Variants in UROC1 observed in about 807,000 individuals in gnomAD.
UROC1 encodes urocanate hydratase.
A neutral mutation model predicts 89.5 loss-of-function variants in UROC1; 79 were observed. That is an observed-to-expected ratio of 0.88 (90% confidence interval 0.74 to 1.06). UROC1 has a LOEUF of 1.06. Among genes scored for constraint, UROC1 ranks in the 50% least tolerant of loss-of-function variants. UROC1 has a pLI of 0.00. For synonymous variants in UROC1, 361 were observed against 354.8 expected, an observed-to-expected ratio of 1.02 and a Z score of -0.20; for missense variants, 885 against 907.8, an observed-to-expected ratio of 0.97 and a Z score of 0.32.
chr3:126,486,798 C>G (rs1157111828), intron 18 of UROC1, among the ~76,000 whole-genome samples: 1 of 152,058 alleles, frequency 6.6e-6, no homozygotes, highest in Non-Finnish European at 1.5e-5. Context: ...GCATCCCTTT[C>G]GAGTAGCCAC....
intron 1 of UROC1, among the ~76,000 whole-genome samples, chr3:126,514,872 T>C (rs1936265706): frequency 6.6e-6 from 1 of 152,020 alleles, no homozygotes; most frequent in African/African-American, 2.4e-5. Context: ...CCCGGTGACT[T>C]CAGAAGGTGA....
At chr3:126,510,816 G>A in intron 1 of UROC1, 22 bp from the exon 2 acceptor site, 1 of 1,609,468 alleles carries the variant, frequency 6.2e-7, no homozygotes, top group Non-Finnish European at 8.5e-7. Flanking sequence ...GAGCGGAGAG[G>A]CAGTCGGGGC....
At chr3:126,491,239 G>A (rs745992999) in intron 16 of UROC1, among the ~76,000 whole-genome samples, 1 of 152,174 alleles carries the variant, frequency 6.6e-6, no homozygotes, top group Non-Finnish European at 1.5e-5. Flanking sequence ...CCTGCACGCC[G>A]CTCCTCATCC....
intron 9 of UROC1, chr3:126,501,658 G>T (rs1050908214): frequency 8.9e-7 from 1 of 1,118,526 alleles, no homozygotes; most frequent in African/African-American, 1.6e-5. Flanking sequence ...AAAATTATTC[G>T]GAAAAATAGG....
In UROC1 at chr3:126,509,574, C is replaced by T; in HGVS notation, c.351+11G>A. The T allele has an allele frequency of 6.4e-7, 1 of 1,551,364 alleles. No homozygotes were observed. The highest frequency in any genetic ancestry group is 8.7e-7 in the Non-Finnish European group (1 of 1,146,686). On this transcript the variant is annotated intron_variant, in intron 3 of 19. Coordinates refer to ENST00000290868, the MANE Select transcript of UROC1 (RefSeq NM_144639.3). ...TGGACAGTGCTGGGCCTCGGTTTCC[C>T]TGGCTATTACCTGGGCCACGGCAGG... is the stretch of plus-strand genomic sequence containing the variant.
intron 15 of UROC1, among the ~76,000 whole-genome samples, chr3:126,493,308 G>C (rs2107537439): frequency 6.6e-6 from 1 of 152,340 alleles, no homozygotes; most frequent in South Asian, 2.1e-4. Context: ...GACTCCAAGA[G>C]ATATGTGCAC....
At chr3:126,492,631 G>T in intron 15 of UROC1, 115 bp from the exon 16 acceptor site, 1 of 742,106 alleles carries the variant, frequency 1.3e-6, no homozygotes, top group Non-Finnish European at 2.2e-6. Flanking sequence ...TTGGCAGCCT[G>T]AGCGCCTAAC....
intron 15 of UROC1, 74 bp from the exon 16 acceptor site, chr3:126,492,590 C>T (rs878987656): frequency 4.1e-5 from 49 of 1,201,470 alleles, no homozygotes; most frequent in South Asian, 8.9e-5. Context: ...CAGGGAGACA[C>T]GGGTGGCACT....
At position 126,508,403 on chromosome 3, in the gene UROC1, C is replaced by A. The variant is rs778870657; in HGVS notation, c.411+13G>T. The A allele has an allele frequency of 1.2e-6, 2 of 1,612,984 alleles. No individual in the cohort carries two copies. The highest frequency in any genetic ancestry group is 2.7e-5 in the African/African-American group (2 of 74,894). On this transcript the variant is annotated intron_variant, in intron 4 of 19. Transcript: ENST00000290868. The stretch of plus-strand genomic sequence containing the variant: ...GGCCAGGGGTGGGGACGAGGCCACA[C>A]GGTGTGCAGTACCTGAGCCCAGTTG...
intron 9 of UROC1, 144 bp downstream of exon 9, chr3:126,503,851 G>A (rs1935993070): frequency 2.3e-6 from 2 of 859,076 alleles, no homozygotes; most frequent in Non-Finnish European, 3.9e-6. Flanking sequence ...ATATGTACAT[G>A]TGCATGTATG....
chr3:126,500,914 GC>G (rs1560122215), intron 10 of UROC1, 40 bp from the exon 11 acceptor site: 4 of 838,956 alleles, frequency 4.8e-6, no homozygotes, highest in Non-Finnish European at 7.0e-6. Flanking sequence ...GCCACACACA[GC>G]CTGGGCCCAG....
chr3:126,500,752 T>C lies in UROC1; in HGVS notation c.1088A>G (p.Glu363Gly), dbSNP rs1935899752. The C allele has an allele frequency of 6.2e-7, 1 of 1,613,982 alleles. No individual in the cohort carries two copies. Among genetic ancestry groups the C allele is most frequent in the African/African-American group, 1.3e-5 (1 of 74,936 alleles). Residue 363 changes from glutamate to glycine, a missense_variant, in exon 11 of 20, where the codon GAG becomes GGG. Coordinates refer to ENST00000290868, the MANE Select transcript of UROC1 (RefSeq NM_144639.3). ...GYYPVQLSFT[E>G]AQSLMASNPA... ...GTTGGAGGCCATGAGGCTCTGGGCC[T>C]CCGTGAAGCTGAGCTGCACAGGGTA...
chr3:126,485,163 G>C (rs61655590), intron 18 of UROC1, among the ~76,000 whole-genome samples: 7,462 of 152,296 alleles, frequency 0.049, 631 homozygotes, highest in African/African-American at 0.17. Context: ...ATGTATTAAA[G>C]TGCATGATTC....
In UROC1 at chr3:126,488,356, G is replaced by A; in HGVS notation, c.1709-77C>T. The A allele has an allele frequency of 1.9e-6, 3 of 1,554,480 alleles. No individual in the cohort carries two copies. The South Asian group carries it at 3.3e-5, about 17-fold the overall frequency. ...CTGGCTCAGTCAGGCCAGCCTCGCT[G>A]GCTAAGCCAGCACTGCTAGGCCAGA... On this transcript the variant is annotated intron_variant, in intron 17 of 19. Coordinates refer to ENST00000290868, the MANE Select transcript of UROC1 (RefSeq NM_144639.3).
At chr3:126,509,884 C>A (rs1936158024) in intron 2 of UROC1, among the ~76,000 whole-genome samples, 2 of 152,248 alleles carry the variant, frequency 1.3e-5, no homozygotes, top group South Asian at 4.1e-4. Context: ...TCTCCCTCCC[C>A]ACTTGGCACA....
At position 126,505,873 on chromosome 3, in the gene UROC1, GCC is replaced by G. The variant is rs558622890; in HGVS notation, c.670-31_670-30del. On this transcript the variant is annotated intron_variant, in intron 7 of 19. Coordinates refer to ENST00000290868, the MANE Select transcript of UROC1 (RefSeq NM_144639.3). ...CAGGGAGAAGAGGTGGGGGCTCACT[GCC>G]CACTCCCAGCCCGCCCCCTCCACCC... 86 of 1,612,212 alleles carry G rather than the reference GCC, an allele frequency of 5.3e-5. 1 individual carries two copies. In the African/African-American group the frequency reaches 1.1e-3, roughly 21 times the overall value.
intron 12 of UROC1, 74 bp downstream of exon 12, chr3:126,499,983 C>G: frequency 3.5e-6 from 5 of 1,425,478 alleles, no homozygotes; most frequent in Non-Finnish European, 4.9e-6. Context: ...GAGGTGGGAG[C>G]CAGTGGCACT....
intron 12 of UROC1, 122 bp downstream of exon 12, chr3:126,499,935 G>T (rs1476213306): frequency 2.1e-6 from 2 of 951,842 alleles, no homozygotes; most frequent in East Asian, 2.5e-5. Flanking sequence ...GTGAAGCCTC[G>T]GTCAGGATTT....
chr3:126,505,891 C>T, intron 7 of UROC1, 47 bp from the exon 8 acceptor site: 2 of 1,611,624 alleles, frequency 1.2e-6, no homozygotes, highest in South Asian at 2.2e-5. Context: ...CCAGCCCGCC[C>T]CCTCCACCCC....
Sources: allele counts gnomAD v4.1 joint callset (sites outside exome capture counted in the v4.1 genomes callset), GRCh38; gene constraint gnomAD v4.1.1; transcripts MANE v1.5; gene names NCBI Gene and HGNC (gene_info 2026-07-23, HGNC 2026-07-21).